The following BCAS3 variants were observed in gnomAD, a reference collection of about 807,000 sequenced individuals.
The protein encoded by BCAS3 is BCAS4/BCAS3 fusion.
In BCAS3, 53 loss-of-function variants were observed where a neutral mutation model predicts 116.1. The ratio of observed to expected loss-of-function variants is 0.46; its 90% CI spans 0.37 to 0.57. The LOEUF is 0.57. Among genes scored for constraint, BCAS3 ranks in the 20% least tolerant of loss-of-function variants. The pLI is 0.00. For missense variants in BCAS3, 917 were observed against 1,165.4 expected (o/e 0.79, Z 3.10); for synonymous variants, 391 against 408.2 (o/e 0.96, Z 0.51).
chr17:60,825,857 GTT>G (rs770293138), intron 7 of BCAS3, among the ~76,000 whole-genome samples: 9 of 130,042 alleles, frequency 6.9e-5, no homozygotes, highest in Admixed American at 7.8e-5. Flanking sequence ...TGGGGATTCA[GTT>G]TTTTTTTTTT....
intron 14 of BCAS3, among the ~76,000 whole-genome samples, chr17:60,973,706 C>T (rs1410661648): frequency 6.6e-6 from 1 of 151,646 alleles, no homozygotes; most frequent in Non-Finnish European, 1.5e-5. Flanking sequence ...GATTCTCCTG[C>T]CTCAGCCTCC....
At position 60,924,321 on chromosome 17, in the gene BCAS3, G is replaced by GT. The variant is rs1347939323; in HGVS notation, c.994-83dup. ...GTGGAAACATGTTATTTGGTCAGTG[G>GT]TTTGTGATGTGCCTTCTTATAGGCT... On this transcript the variant is annotated intron_variant, in intron 12 of 23. Coordinates refer to ENST00000407086, the MANE Select transcript of BCAS3 (RefSeq NM_017679.5). 52 of 1,094,994 alleles carry GT rather than the reference G, an allele frequency of 4.7e-5. No individual in the cohort carries two copies. The African/African-American group carries it at 6.8e-4, about 14-fold the overall frequency. 67.8% of individuals were successfully genotyped at this position (1,094,994 alleles called of 1,614,324 possible).
Position 61,321,365 on chromosome 17 carries a change from A to G in BCAS3, c.2426-46962A>G, listed in dbSNP as rs141432226. Among the ~76,000 whole-genome samples, 360 of 152,246 alleles carry G rather than the reference A, an allele frequency of 2.4e-3. 4 individuals carry two copies. The highest frequency in any genetic ancestry group is 8.5e-3 in the African/African-American group (351 of 41,538). The stretch of plus-strand genomic sequence containing the variant: ...TCGCATTCCTTCTACCCCACCTCCC[A>G]TCTCCCTTCACCATTCATACTGTGG... On this transcript the variant is annotated intron_variant, in intron 22 of 23. Coordinates refer to ENST00000407086, the MANE Select transcript of BCAS3 (RefSeq NM_017679.5).
intron 3 of BCAS3, 60 bp from the exon 4 acceptor site, chr17:60,689,626 A>G: frequency 7.8e-7 from 1 of 1,278,560 alleles, no homozygotes; most frequent in Non-Finnish European, 1.1e-6. Context: ...TTTGTTTTGA[A>G]CATCAGTAAT....
At chr17:60,816,279 C>CTTTTTTTT in intron 7 of BCAS3, among the ~76,000 whole-genome samples, 1 of 140,108 alleles carries the variant, frequency 7.1e-6, no homozygotes, top group African/African-American at 2.7e-5. Flanking sequence ...TTTTTCTTTT[C>CTTTTTTTT]TTTTTTTTTT....
intron 22 of BCAS3, among the ~76,000 whole-genome samples, chr17:61,350,481 G>T (rs1319231089): frequency 6.6e-6 from 1 of 151,790 alleles, no homozygotes; most frequent in African/African-American, 2.4e-5. Context: ...TTTAAGGTAT[G>T]CCCAAAGGGA....
At chr17:61,167,644 A>G (rs185824560) in intron 22 of BCAS3, among the ~76,000 whole-genome samples, 6 of 152,332 alleles carry the variant, frequency 3.9e-5, no homozygotes, top group Admixed American at 3.3e-4. Context: ...GTAGACCTCT[A>G]AAAAACTGGA....
intron 6 of BCAS3, among the ~76,000 whole-genome samples, chr17:60,806,441 T>C (rs753359445): frequency 6.6e-6 from 1 of 152,194 alleles, no homozygotes; most frequent in Non-Finnish European, 1.5e-5. Flanking sequence ...AAATAATCAA[T>C]ATGCCAAAGA....
chr17:61,179,707 G>A lies in BCAS3; in HGVS notation c.2425+95143G>A, dbSNP rs186197859. On this transcript the variant is annotated intron_variant, in intron 22 of 23. Coordinates refer to ENST00000407086, the MANE Select transcript of BCAS3 (RefSeq NM_017679.5). ...ATTAGTGGCATTTTGCCCAACATTG[G>A]CTTTAGGGAAATCATTCTATAAGAA... is the stretch of plus-strand genomic sequence containing the variant. 3.6e-3 allele frequency among the ~76,000 whole-genome samples: 544 copies of A among 152,190 alleles called. 4 individuals are homozygous for A. Among genetic ancestry groups the A allele is most frequent in the African/African-American group, 0.013 (521 of 41,526 alleles).
chr17:61,076,138 T>G (rs551912669), intron 20 of BCAS3, among the ~76,000 whole-genome samples: 81 of 152,302 alleles, frequency 5.3e-4, no homozygotes, highest in South Asian at 1.7e-3. Flanking sequence ...AAAAGATACT[T>G]GGGCAGATGT....
intron 6 of BCAS3, among the ~76,000 whole-genome samples, chr17:60,795,354 TG>T (rs2047119215): frequency 6.6e-6 from 1 of 152,132 alleles, no homozygotes; most frequent in South Asian, 2.1e-4. Context: ...ATGATCATAT[TG>T]TCAGCAAACA....
Position 61,128,292 on chromosome 17 carries a change from G to T in BCAS3, c.2425+43728G>T, listed in dbSNP as rs944672349. 4.8e-5 allele frequency: 47 copies of T among 985,372 alleles called. No individual in the cohort carries two copies. The highest frequency in any genetic ancestry group is 4.9e-5 in the Non-Finnish European group (41 of 829,920). 61.0% of individuals were successfully genotyped at this position (985,372 alleles called of 1,614,324 possible). A position where few individuals can be genotyped will look rare whatever the true frequency, so the allele number is the denominator to read the frequency against. Reference sequence around the variant, plus strand: ...TTGACTTAAATCAGATTTCATCTACGGCTGAGATGCAGAGGAGAGACTTAG... The same window carrying T: ...TTGACTTAAATCAGATTTCATCTACTGCTGAGATGCAGAGGAGAGACTTAG... On this transcript the variant is annotated intron_variant, in intron 22 of 23. Coordinates refer to ENST00000407086, the MANE Select transcript of BCAS3 (RefSeq NM_017679.5). The surrounding 1 kb of genome is among the most constrained non-coding windows in gnomAD (Gnocchi z 4.1).
Position 61,392,178 on chromosome 17 carries a change from G to A in BCAS3, c.*53G>A. 2 of 1,583,134 alleles carry A rather than the reference G, an allele frequency of 1.3e-6. No homozygotes were observed. The highest frequency in any genetic ancestry group is 1.7e-6 in the Non-Finnish European group (2 of 1,160,310). On this transcript the variant is annotated 3_prime_UTR_variant, in exon 24 of 24. Transcript: ENST00000407086. The surrounding 1 kb of genome is among the most constrained non-coding windows in gnomAD (Gnocchi z 6.4). ...AGCCCCCTCCCCTGCTGGAGGAGGG[G>A]AGAAGCCCCGCTCTGGTCCTACCCT...
At chr17:60,685,471 A>AG (rs2033888193) in intron 3 of BCAS3, among the ~76,000 whole-genome samples, 1 of 151,170 alleles carries the variant, frequency 6.6e-6, no homozygotes, top group African/African-American at 2.4e-5. Flanking sequence ...AAAAAAAAAA[A>AG]GAACATAGTC....
At chr17:60,717,881 C>G (rs2038810483) in intron 5 of BCAS3, among the ~76,000 whole-genome samples, 1 of 152,168 alleles carries the variant, frequency 6.6e-6, no homozygotes, top group South Asian at 2.1e-4. Context: ...TACAACTCAC[C>G]ATAATGTAGA....
intron 22 of BCAS3, among the ~76,000 whole-genome samples, chr17:61,170,652 A>G (rs2078792285): frequency 6.6e-6 from 1 of 152,184 alleles, no homozygotes; most frequent in Non-Finnish European, 1.5e-5. Flanking sequence ...GTTATCCCTG[A>G]AAGATGGGAA....
chr17:61,306,327 G>A (rs550129231), intron 22 of BCAS3, among the ~76,000 whole-genome samples: 5 of 152,304 alleles, frequency 3.3e-5, no homozygotes, highest in South Asian at 2.1e-4. Context: ...TACTATAATG[G>A]TGATTTGGTT....
At chr17:61,304,210 C>T (rs946432282) in intron 22 of BCAS3, among the ~76,000 whole-genome samples, 2 of 152,198 alleles carry the variant, frequency 1.3e-5, no homozygotes, top group African/African-American at 4.8e-5. Context: ...CTGGTCTTCC[C>T]ACCTTTACTT....
intron 18 of BCAS3, among the ~76,000 whole-genome samples, chr17:61,038,505 A>G (rs1230621650): frequency 2.6e-5 from 4 of 151,760 alleles, no homozygotes; most frequent in South Asian, 2.1e-4. Flanking sequence ...TGCCCGCCTC[A>G]GCCTCCCAAA....
Sources: allele counts gnomAD v4.1 joint callset (sites outside exome capture counted in the v4.1 genomes callset), GRCh38; gene constraint gnomAD v4.1.1; non-coding constraint Gnocchi (gnomAD v3.1); transcripts MANE v1.5; gene names NCBI Gene and HGNC (gene_info 2026-07-23, HGNC 2026-07-21).